The following BMERB1 variants were observed in gnomAD, a reference collection of about 807,000 sequenced individuals.
BMERB1 encodes the protein bMERB domain-containing protein 1.
A neutral mutation model predicts 23.6 loss-of-function variants in BMERB1; 12 were observed. That is an observed-to-expected ratio of 0.51 (90% CI 0.33 to 0.82). The LOEUF is 0.82. Among genes scored for constraint, BMERB1 ranks in the 40% least tolerant of loss-of-function variants. BMERB1 has a pLI of 0.03. For synonymous variants in BMERB1, 122 were observed against 96.6 expected (o/e 1.26, Z -1.54); for missense variants, 247 against 255.4 (o/e 0.97, Z 0.22).
chr16:15,580,338 A>C (rs1219657803), intron 3 of BMERB1, among the ~76,000 whole-genome samples: 1 of 152,024 alleles, frequency 6.6e-6, no homozygotes, highest in African/African-American at 2.4e-5. Context: ...TCCTGGCCTC[A>C]AGTGATCCTC....
At chr16:15,572,062 C>T (rs749832862) in intron 3 of BMERB1, among the ~76,000 whole-genome samples, 8 of 152,164 alleles carry the variant, frequency 5.3e-5, no homozygotes, top group Non-Finnish European at 1.2e-4. Context: ...TGATTGAGAC[C>T]TTCTCAGACA....
At chr16:15,557,308 G>T (rs2030290703) in intron 2 of BMERB1, among the ~76,000 whole-genome samples, 1 of 150,610 alleles carries the variant, frequency 6.6e-6, no homozygotes, top group Non-Finnish European at 1.5e-5. Flanking sequence ...TGATTTCCAG[G>T]TTCAGCCCTA....
intron 2 of BMERB1, among the ~76,000 whole-genome samples, chr16:15,559,413 A>G (rs1251016778): frequency 4.6e-5 from 7 of 152,198 alleles, no homozygotes; most frequent in Admixed American, 4.6e-4. Context: ...TGGAGAGGAG[A>G]CAACACGGTG....
At chr16:15,563,229 CAAA>C (rs1241747561) in intron 2 of BMERB1, among the ~76,000 whole-genome samples, 1 of 151,900 alleles carries the variant, frequency 6.6e-6, no homozygotes, top group Non-Finnish European at 1.5e-5. Flanking sequence ...TATAAAGAAA[CAAA>C]AAAATTTTTT....
intron 2 of BMERB1, chr16:15,533,122 G>T (rs765130180): frequency 2.5e-5 from 10 of 397,546 alleles, no homozygotes; most frequent in South Asian, 1.6e-4. Flanking sequence ...GCTCAGTCCA[G>T]TGCCTGCTAC....
intron 1 of BMERB1, among the ~76,000 whole-genome samples, chr16:15,475,853 T>A (rs1000457258): frequency 2.0e-5 from 3 of 151,998 alleles, no homozygotes; most frequent in African/African-American, 7.2e-5. Flanking sequence ...ACACAAAGTA[T>A]TGCCAAGCAG....
chr16:15,540,031 T>C (rs2052063313), intron 2 of BMERB1, among the ~76,000 whole-genome samples: 1 of 151,438 alleles, frequency 6.6e-6, no homozygotes, highest in Admixed American at 6.6e-5. Context: ...AGTGCACCTG[T>C]AGTACCCCCA....
chr16:15,568,661 A>G (rs1596400216), intron 3 of BMERB1, among the ~76,000 whole-genome samples: 1 of 152,270 alleles, frequency 6.6e-6, no homozygotes, highest in South Asian at 2.1e-4. Context: ...ATTAAATTAA[A>G]TTAAATATCA....
intron 1 of BMERB1, among the ~76,000 whole-genome samples, chr16:15,437,432 A>T (rs773285144): frequency 1.3e-5 from 2 of 152,204 alleles, no homozygotes; most frequent in African/African-American, 2.4e-5. Flanking sequence ...CGTATTGTTC[A>T]CTTCCATTCG....
chr16:15,502,163 C>T lies in BMERB1; in HGVS notation c.107-13142C>T, dbSNP rs1190159964. 5.0e-5 allele frequency: 41 copies of T among 825,020 alleles called. No homozygotes were observed. The South Asian group carries it at 6.3e-4, about 13-fold the overall frequency. The allele number at this position is 825,020 out of a possible 1,614,324, so 51.1% of individuals were successfully genotyped here. A position where few individuals can be genotyped will look rare whatever the true frequency, so the allele number is the denominator to read the frequency against. On this transcript the variant is annotated intron_variant, in intron 1 of 5. Transcript: ENST00000300006. ...CCTGCGTCTTCACGTGCTGTTGGTG[C>T]GTCCTCCTGAATTACTTTTGTGTCC...
At chr16:15,514,050 C>T (rs772209496) in intron 1 of BMERB1, among the ~76,000 whole-genome samples, 15 of 152,028 alleles carry the variant, frequency 9.9e-5, no homozygotes, top group African/African-American at 2.9e-4. Context: ...TTGGGAGGAT[C>T]GCCTGAGGCC....
At chr16:15,461,374 T>G (rs2051133997) in intron 1 of BMERB1, among the ~76,000 whole-genome samples, 1 of 152,098 alleles carries the variant, frequency 6.6e-6, no homozygotes, top group Non-Finnish European at 1.5e-5. Flanking sequence ...AAACATACTT[T>G]GCGTTGGTTC....
intron 1 of BMERB1, among the ~76,000 whole-genome samples, chr16:15,438,259 G>A (rs1203930904): frequency 6.6e-6 from 1 of 151,222 alleles, no homozygotes; most frequent in Non-Finnish European, 1.5e-5. Flanking sequence ...ACTAATTTTT[G>A]TAGTTTTAGT....
rs558363996 is a variant in BMERB1 at position 15,470,714 on chromosome 16, C to T, written c.106+35955C>T. ...CTAATTTTTTGTATTTTAGTAGAGA[C>T]GGGGTTTCACCATGTTGGCCAAGAT... On this transcript the variant is annotated intron_variant, in intron 1 of 5. Transcript: ENST00000300006. Among the ~76,000 whole-genome samples, 75 of 150,462 alleles carry T rather than the reference C, an allele frequency of 5.0e-4. 1 individual carries two copies. Among genetic ancestry groups the T allele is most frequent in the Admixed American group, 2.3e-3 (34 of 15,064 alleles).
At chr16:15,516,255 C>A (rs1019473999) in intron 2 of BMERB1, among the ~76,000 whole-genome samples, 1 of 151,884 alleles carries the variant, frequency 6.6e-6, no homozygotes, top group Non-Finnish European at 1.5e-5. Context: ...CAGACCCTGT[C>A]TCTACAAAAA....
At chr16:15,462,108 T>G (rs187541206) in intron 1 of BMERB1, among the ~76,000 whole-genome samples, 499 of 150,802 alleles carry the variant, frequency 3.3e-3, no homozygotes, top group Non-Finnish European at 4.3e-3. Flanking sequence ...GTTTTTTCTG[T>G]GAAATTCAAA....
intron 2 of BMERB1, among the ~76,000 whole-genome samples, chr16:15,543,042 GAA>G (rs2052101232): frequency 6.6e-6 from 1 of 152,156 alleles, no homozygotes; most frequent in Non-Finnish European, 1.5e-5. Flanking sequence ...TGGTGTCCAG[GAA>G]GAATCAGGTC....
chr16:15,522,538 C>T (rs1365303068), intron 2 of BMERB1, among the ~76,000 whole-genome samples: 1 of 152,106 alleles, frequency 6.6e-6, no homozygotes, highest in Admixed American at 6.5e-5. Flanking sequence ...TGTTTTGATT[C>T]ATATAATCCT....
At chr16:15,546,387 TC>T (rs144694207) in intron 2 of BMERB1, among the ~76,000 whole-genome samples, 2,144 of 152,302 alleles carry the variant, frequency 0.014, 59 homozygotes, top group African/African-American at 0.05. Context: ...TTGATTTTTT[TC>T]CAAGAGCATT....
Sources: allele counts gnomAD v4.1 joint callset (sites outside exome capture counted in the v4.1 genomes callset), GRCh38; gene constraint gnomAD v4.1.1; transcripts MANE v1.5; gene names NCBI Gene and HGNC (gene_info 2026-07-23, HGNC 2026-07-21).